The following HHLA2 variants were observed in gnomAD, a reference collection of about 807,000 sequenced individuals.
HHLA2 encodes HHLA2 member of B7 family, also known as HERV-H LTR-associating protein 2.
HHLA2 carries 48 observed loss-of-function variants against 45.9 expected under a neutral mutation model. That is an observed-to-expected ratio of 1.05 (90% CI 0.83 to 1.33). The LOEUF is 1.33. HHLA2 is among the 40% of genes most tolerant of loss of function. The pLI, the probability that HHLA2 is intolerant of heterozygous loss-of-function variation, is 0.00. For synonymous variants in HHLA2, 161 were observed against 173.9 expected (o/e 0.93, Z 0.59); for missense variants, 462 against 494.3 (o/e 0.93, Z 0.62).
chr3:108,343,665 A>G (rs897093480), intron 3 of HHLA2, among the ~76,000 whole-genome samples: 2 of 152,240 alleles, frequency 1.3e-5, no homozygotes, highest in Non-Finnish European at 2.9e-5. Flanking sequence ...ATATGTAGAT[A>G]CAAGTAGGCG....
chr3:108,308,107 ATTCT>A (rs2080960949), intron 1 of HHLA2, among the ~76,000 whole-genome samples: 1 of 152,106 alleles, frequency 6.6e-6, no homozygotes, highest in South Asian at 2.1e-4. Flanking sequence ...GGTCTTATTG[ATTCT>A]TTCTAACTAT....
exon 9 of HHLA2, chr3:108,375,770 A>G: frequency 6.2e-7 from 1 of 1,611,306 alleles, no homozygotes; most frequent in Non-Finnish European, 8.5e-7. Flanking sequence ...AGCCAGGAGG[A>G]GCAGACACCC....
At chr3:108,357,711 A>C (rs2081919314) in intron 6 of HHLA2, 133 bp from the exon 6 acceptor site, 1 of 730,000 alleles carries the variant, frequency 1.4e-6, no homozygotes, top group Non-Finnish European at 2.2e-6. Context: ...GTACAAATAT[A>C]ATTACTTTCC....
At chr3:108,327,419 T>C (rs1011935768) in intron 2 of HHLA2, among the ~76,000 whole-genome samples, 6 of 152,204 alleles carry the variant, frequency 3.9e-5, no homozygotes, top group African/African-American at 1.4e-4. Context: ...CACATTCTCC[T>C]TTCTTTTTCC....
Position 108,300,832 on chromosome 3 carries a change from A to G in HHLA2, c.-192+4233A>G, listed in dbSNP as rs114877375. ...CTTATTGCTTGTAACAGAAATCTAA[A>G]TTCCCAAACACTTTATTTTAATAAT... On this transcript the variant is annotated intron_variant, in intron 1 of 10. Coordinates refer to ENST00000619531, the Ensembl canonical transcript of HHLA2. Among the ~76,000 whole-genome samples the G allele has an allele frequency of 7.5e-3, 1,140 of 152,226 alleles. 14 individuals are homozygous for G. The highest frequency in any genetic ancestry group is 0.026 in the African/African-American group (1,080 of 41,520).
intron 2 of HHLA2, among the ~76,000 whole-genome samples, chr3:108,311,177 G>A (rs1037731855): frequency 3.9e-5 from 6 of 152,176 alleles, no homozygotes; most frequent in Admixed American, 3.9e-4. Context: ...TTGTCTTTCT[G>A]TGTTTTCTAA....
chr3:108,305,007 TTC>T (rs2080907005), intron 1 of HHLA2, among the ~76,000 whole-genome samples: 1 of 152,238 alleles, frequency 6.6e-6, no homozygotes, highest in African/African-American at 2.4e-5. Context: ...CCATTGAAGA[TTC>T]TGTCTGTTTT....
chr3:108,373,098 G>A (rs1012713406), intron 8 of HHLA2, among the ~76,000 whole-genome samples: 6 of 152,132 alleles, frequency 3.9e-5, no homozygotes, highest in South Asian at 4.1e-4. Flanking sequence ...TTGGCAAACC[G>A]AATCCAGCAG....
intron 3 of HHLA2, among the ~76,000 whole-genome samples, chr3:108,340,426 C>A (rs1388743147): frequency 6.6e-6 from 1 of 152,208 alleles, no homozygotes; most frequent in Admixed American, 6.5e-5. Context: ...CATGCTCCCT[C>A]TCTCGCCTAA....
intron 2 of HHLA2, among the ~76,000 whole-genome samples, chr3:108,323,958 C>G (rs2081246235): frequency 6.6e-6 from 1 of 152,100 alleles, no homozygotes; most frequent in Non-Finnish European, 1.5e-5. Flanking sequence ...GAAAATTCAA[C>G]CCATCTTTTG....
chr3:108,313,582 T>C (rs755403497), intron 2 of HHLA2, among the ~76,000 whole-genome samples: 1 of 152,194 alleles, frequency 6.6e-6, no homozygotes, highest in Non-Finnish European at 1.5e-5. Flanking sequence ...CTTTGGGCAG[T>C]GGTGCAGCAC....
Position 108,377,242 on chromosome 3 carries a change from T to C in HHLA2, c.1225-16T>C. 1 of 1,490,614 alleles carries C rather than the reference T, an allele frequency of 6.7e-7. No homozygotes were observed. The highest frequency in any genetic ancestry group is 1.2e-5 in the South Asian group (1 of 86,788). The allele number at this position is 1,490,614 out of a possible 1,614,324, so 92.3% of individuals were successfully genotyped here. On this transcript the variant is annotated splice_polypyrimidine_tract_variant and intron_variant, in intron 10 of 10. Transcript: ENST00000619531. Reference sequence around the variant, plus strand: ...TTGAACAACAGACATTTAGAGTCTATTTTTCTTGCTTCTAGCCTCTTTCAG... The same window carrying C: ...TTGAACAACAGACATTTAGAGTCTACTTTTCTTGCTTCTAGCCTCTTTCAG...
intron 10 of HHLA2, 95 bp from the exon 10 acceptor site, chr3:108,377,163 C>A: frequency 1.3e-6 from 1 of 785,862 alleles, no homozygotes; most frequent in Non-Finnish European, 2.1e-6. Flanking sequence ...TTTTGCCGCC[C>A]ACCCCAAAAC....
At chr3:108,334,432 C>G (rs563480621) in intron 3 of HHLA2, among the ~76,000 whole-genome samples, 1 of 152,098 alleles carries the variant, frequency 6.6e-6, no homozygotes, top group Admixed American at 6.6e-5. Flanking sequence ...TTGAAAATAG[C>G]CTAGGATGTG....
intron 1 of HHLA2, among the ~76,000 whole-genome samples, chr3:108,307,710 T>C (rs1041615259): frequency 6.6e-6 from 1 of 152,216 alleles, no homozygotes; most frequent in Non-Finnish European, 1.5e-5. Context: ...ATGGTTCATT[T>C]GTCAAAACTT....
intron 8 of HHLA2, 79 bp downstream of exon 7, chr3:108,362,525 C>T: frequency 2.2e-6 from 2 of 909,068 alleles, no homozygotes; most frequent in South Asian, 3.0e-5. Context: ...CATGCCCAAA[C>T]AGCTACTGGG....
chr3:108,310,994 A>G (rs1348085496), intron 2 of HHLA2, among the ~76,000 whole-genome samples: 2 of 152,222 alleles, frequency 1.3e-5, no homozygotes, highest in African/African-American at 2.4e-5. Flanking sequence ...TTAAAGAAAT[A>G]TAGAATTAAG....
chr3:108,327,276 T>G (rs1161669596), intron 2 of HHLA2, among the ~76,000 whole-genome samples: 1 of 152,176 alleles, frequency 6.6e-6, no homozygotes, highest in Non-Finnish European at 1.5e-5. Context: ...TACTTTCTCT[T>G]TGGTTTTTAA....
At chr3:108,335,803 A>G (rs747718783) in intron 3 of HHLA2, among the ~76,000 whole-genome samples, 1 of 152,124 alleles carries the variant, frequency 6.6e-6, no homozygotes, top group Non-Finnish European at 1.5e-5. Flanking sequence ...GGCAGCCACA[A>G]AAGTAGTGAT....
Sources: gnomAD v4.1 joint callset for allele counts (sites outside exome capture counted in the v4.1 genomes callset) on GRCh38, gnomAD v4.1.1 for gene constraint, MANE v1.5 for transcripts, NCBI Gene and HGNC (gene_info 2026-07-23, HGNC 2026-07-21) for gene names.